GRB2: variants seen among roughly 807,000 people sequenced by gnomAD.
GRB2 encodes the protein growth factor receptor-bound protein 2.
A neutral mutation model predicts 27.4 loss-of-function variants in GRB2; 2 were observed. The observed-to-expected ratio is 0.07, with a 90% CI of 0.03 to 0.23. The LOEUF is 0.23. Among genes scored for constraint, GRB2 ranks in the 10% least tolerant of loss-of-function variants. The pLI is 1.00. For synonymous variants in GRB2, 94 were observed against 99.6 expected, an observed-to-expected ratio of 0.94 and a Z score of 0.33; for missense variants, 102 against 282.4, an observed-to-expected ratio of 0.36 and a Z score of 4.58.
chr17:75,348,038 T>TA (rs2078666104), intron 2 of GRB2, among the ~76,000 whole-genome samples: 1 of 152,200 alleles, frequency 6.6e-6, no homozygotes, highest in Non-Finnish European at 1.5e-5. Context: ...TCTGTTCTGT[T>TA]AACCGCTTTT....
At chr17:75,403,631 G>C (rs1027889155) in intron 1 of GRB2, among the ~76,000 whole-genome samples, 1 of 152,132 alleles carries the variant, frequency 6.6e-6, no homozygotes, top group African/African-American at 2.4e-5. Flanking sequence ...AGGTGTGGTG[G>C]TGAGCACCTG....
At chr17:75,333,139 G>A (rs568559339) in intron 2 of GRB2, among the ~76,000 whole-genome samples, 167 of 152,004 alleles carry the variant, frequency 1.1e-3, no homozygotes, top group African/African-American at 3.9e-3. Flanking sequence ...GCAGTGGCGC[G>A]ATCTTGGCTC....
At chr17:75,396,105 T>C (rs1473941980) in intron 1 of GRB2, among the ~76,000 whole-genome samples, 2 of 152,188 alleles carry the variant, frequency 1.3e-5, no homozygotes, top group Non-Finnish European at 2.9e-5. Context: ...CCCCAAGTGC[T>C]GGGATTACAG....
chr17:75,370,727 T>C (rs533709008), intron 2 of GRB2, among the ~76,000 whole-genome samples: 1 of 152,348 alleles, frequency 6.6e-6, no homozygotes, highest in African/African-American at 2.4e-5. Flanking sequence ...TCTTTGGCAC[T>C]TTCCCTAGGG....
chr17:75,334,778 T>C (rs1324315941), intron 2 of GRB2, among the ~76,000 whole-genome samples: 2 of 152,128 alleles, frequency 1.3e-5, no homozygotes, highest in Non-Finnish European at 2.9e-5. Context: ...TGTCTTTATA[T>C]TTAAAAAGTG....
At chr17:75,340,055 T>C (rs56187308) in intron 2 of GRB2, among the ~76,000 whole-genome samples, 4,209 of 152,324 alleles carry the variant, frequency 0.028, 114 homozygotes, top group South Asian at 0.062. Context: ...TATTCAGTCA[T>C]CTGTAAATGA....
chr17:75,375,419 AG>A (rs2078886036), intron 2 of GRB2, among the ~76,000 whole-genome samples: 1 of 152,178 alleles, frequency 6.6e-6, no homozygotes, highest in African/African-American at 2.4e-5. Context: ...ATTAACCAAT[AG>A]ATCTAACAAC....
rs1471479946 is a variant in GRB2 at position 75,402,482 on chromosome 17, G to GA, written c.-138+3006dup. The stretch of plus-strand genomic sequence containing the variant: ...TAAATACTGACTTTGTGTATACACA[G>GA]AAAAATGTAATTTTAAGTTGAATTA... On this transcript the variant is annotated intron_variant, in intron 1 of 5. Coordinates refer to ENST00000316804, the MANE Select transcript of GRB2 (RefSeq NM_002086.5). 4.6e-5 allele frequency among the ~76,000 whole-genome samples: 7 copies of GA among 152,278 alleles called. No homozygotes were observed. The East Asian group carries it at 1.3e-3, about 29-fold the overall frequency.
intron 1 of GRB2, among the ~76,000 whole-genome samples, chr17:75,401,205 G>C (rs2079061276): frequency 6.6e-6 from 1 of 152,034 alleles, no homozygotes. Flanking sequence ...CAGCACTTTG[G>C]GAGGCCGAGG....
intron 2 of GRB2, among the ~76,000 whole-genome samples, chr17:75,352,695 T>G (rs1387487134): frequency 6.6e-6 from 1 of 152,158 alleles, no homozygotes; most frequent in East Asian, 1.9e-4. Flanking sequence ...TCACTCAGCC[T>G]TTATGATCCC....
intron 2 of GRB2, among the ~76,000 whole-genome samples, chr17:75,377,398 ACTGCTTG>A (rs2078900982): frequency 6.6e-6 from 1 of 151,264 alleles, no homozygotes; most frequent in Non-Finnish European, 1.5e-5. Context: ...AGGCAGGAGG[ACTGCTTG>A]AGGCCATGAG....
At chr17:75,351,772 A>G (rs2078694135) in intron 2 of GRB2, among the ~76,000 whole-genome samples, 1 of 152,368 alleles carries the variant, frequency 6.6e-6, no homozygotes, top group East Asian at 1.9e-4. Context: ...TATAGGTGAT[A>G]TCTTAATTGT....
intron 2 of GRB2, among the ~76,000 whole-genome samples, chr17:75,365,016 C>T (rs1232438284): frequency 1.3e-5 from 2 of 152,134 alleles, no homozygotes; most frequent in African/African-American, 4.8e-5. Flanking sequence ...TTGAGCCTAA[C>T]ACCCAAACTT....
chr17:75,385,624 T>C (rs1175033521), intron 2 of GRB2, among the ~76,000 whole-genome samples: 1 of 152,182 alleles, frequency 6.6e-6, no homozygotes, highest in African/African-American at 2.4e-5. Flanking sequence ...AATCCTAACT[T>C]GTGAATTTGG....
At chr17:75,397,646 C>G (rs1002281759) in intron 1 of GRB2, among the ~76,000 whole-genome samples, 2 of 152,014 alleles carry the variant, frequency 1.3e-5, no homozygotes, top group African/African-American at 2.4e-5. Flanking sequence ...GAGGCAGGCC[C>G]CTCACACTTA....
At chr17:75,376,367 A>AAT (rs1555612122) in intron 2 of GRB2, among the ~76,000 whole-genome samples, 6 of 142,752 alleles carry the variant, frequency 4.2e-5, no homozygotes, top group African/African-American at 1.1e-4. Flanking sequence ...AAAAAAAAAA[A>AAT]TTTTTTAACC....
chr17:75,381,973 C>T (rs558469473), intron 2 of GRB2, among the ~76,000 whole-genome samples: 3 of 151,846 alleles, frequency 2.0e-5, no homozygotes, highest in Admixed American at 2.0e-4. Context: ...TCCTGTAATC[C>T]CAGCACTTTG....
intron 2 of GRB2, among the ~76,000 whole-genome samples, chr17:75,385,433 A>T (rs1449664896): frequency 2.0e-5 from 3 of 152,226 alleles, no homozygotes; most frequent in African/African-American, 7.2e-5. Context: ...GCTACTCAGG[A>T]GGCTGAGGCA....
rs2078430207 is a variant in GRB2 at position 75,318,330 on chromosome 17, G to C, written c.*2038C>G. The C allele has an allele frequency of 6.6e-6, 1 of 152,232 alleles. No homozygotes were observed. Among genetic ancestry groups the C allele is most frequent in the Non-Finnish European group, 1.5e-5 (1 of 68,064 alleles). 9.4% of individuals were successfully genotyped at this position (152,232 alleles called of 1,614,324 possible). A position where few individuals can be genotyped will look rare whatever the true frequency, so the allele number is the denominator to read the frequency against. On this transcript the variant is annotated 3_prime_UTR_variant, in exon 6 of 6. Transcript: ENST00000316804. ...GAAAAGAGAAGCAGGATGAGGAAGA[G>C]TGAGGGAAGGCGGGGACAGGCTCTG...
Sources: gnomAD v4.1 joint callset for allele counts (sites outside exome capture counted in the v4.1 genomes callset) on GRCh38, gnomAD v4.1.1 for gene constraint, MANE v1.5 for transcripts, NCBI Gene and HGNC (gene_info 2026-07-23, HGNC 2026-07-21) for gene names.